SEMA6D: variants seen among roughly 807,000 people sequenced by gnomAD.
The protein encoded by SEMA6D is semaphorin-6D.
A neutral mutation model predicts 106.6 loss-of-function variants in SEMA6D; 35 were observed. That is an observed-to-expected ratio of 0.33 (90% CI 0.25 to 0.44). SEMA6D has a LOEUF of 0.44. Ranked by LOEUF, SEMA6D falls within the 20% of genes least tolerant of loss-of-function variation. SEMA6D has a pLI of 1.00. For missense variants in SEMA6D, 1,185 were observed against 1,345.9 expected, an observed-to-expected ratio of 0.88 and a Z score of 1.87; for synonymous variants, 499 against 487.7, an observed-to-expected ratio of 1.02 and a Z score of -0.31.
intron 1 of SEMA6D, among the ~76,000 whole-genome samples, chr15:47,216,168 A>C (rs1243021682): frequency 6.6e-6 from 1 of 152,148 alleles, no homozygotes; most frequent in Non-Finnish European, 1.5e-5. Context: ...GAAGATTTTC[A>C]TGTTAAATCT....
Position 47,356,860 on chromosome 15 carries a change from T to A in SEMA6D, c.-238-55533T>A, listed in dbSNP as rs144098205. 4.0e-3 allele frequency among the ~76,000 whole-genome samples: 604 copies of A among 152,266 alleles called. 4 individuals carry two copies. The highest frequency in any genetic ancestry group is 0.031 in the Middle Eastern group (9 of 294). On this transcript the variant is annotated intron_variant, in intron 1 of 19. Transcript: ENST00000558014. ...CCAACTCCTTGAACTCTCTGCCCAA[T>A]ACACATGTATAAAACAGACCCAAAC...
intron 2 of SEMA6D, among the ~76,000 whole-genome samples, chr15:47,435,077 A>T (rs1184169742): frequency 6.6e-6 from 1 of 152,198 alleles, no homozygotes; most frequent in East Asian, 1.9e-4. Context: ...TGTTGGAAAC[A>T]TCACATTGGA....
At chr15:47,585,635 G>A (rs1018509343) in intron 3 of SEMA6D, among the ~76,000 whole-genome samples, 8 of 152,152 alleles carry the variant, frequency 5.3e-5, no homozygotes, top group African/African-American at 1.9e-4. Context: ...CAGAAATTAG[G>A]AGAGTACTAA....
At chr15:47,765,236 AG>A in intron 13 of SEMA6D, 180 bp downstream of exon 13, 2 of 1,391,466 alleles carry the variant, frequency 1.4e-6, no homozygotes. Flanking sequence ...TGCTAGGGCG[AG>A]GGGGGTGAAT....
At position 47,765,997 on chromosome 15, in the gene SEMA6D, G is replaced by C; in HGVS notation, c.1556G>C (p.Gly519Ala). ...CCCCTCAGTCGCTGTGAGCGTTATG[G>C]ATCATGTAAAAAGTAAGCTCGTGTT... ...RIPLSRCERY[G>A]SCKKSCIASR... is the part of the protein sequence containing the mutation. The change falls in exon 14 of 19, where the codon GGA (glycine) becomes GCA (alanine). Residue 519 changes from glycine to alanine, a missense_variant. Transcript: ENST00000536845. The C allele has an allele frequency of 6.2e-7, 1 of 1,601,566 alleles. No homozygotes were observed. Among genetic ancestry groups the C allele is most frequent in the Non-Finnish European group, 8.5e-7 (1 of 1,173,032 alleles).
intron 3 of SEMA6D, among the ~76,000 whole-genome samples, chr15:47,551,185 A>C (rs961684097): frequency 9.9e-5 from 15 of 152,048 alleles, no homozygotes; most frequent in African/African-American, 3.6e-4. Flanking sequence ...GCTGGCTCTG[A>C]TCCATTCTCT....
intron 3 of SEMA6D, among the ~76,000 whole-genome samples, chr15:47,535,165 A>G (rs144217657): frequency 0.013 from 1,928 of 152,188 alleles, 20 homozygotes; most frequent in Non-Finnish European, 0.021. Flanking sequence ...TCAGAAAATT[A>G]GCAACAGAGT....
chr15:47,292,715 G>A (rs1342657099), intron 1 of SEMA6D, among the ~76,000 whole-genome samples: 5 of 152,184 alleles, frequency 3.3e-5, no homozygotes, highest in African/African-American at 1.2e-4. Flanking sequence ...GCAAATCACA[G>A]CGTATATTGT....
chr15:47,216,322 C>A (rs1267295436), intron 1 of SEMA6D, among the ~76,000 whole-genome samples: 1 of 151,884 alleles, frequency 6.6e-6, no homozygotes, highest in Non-Finnish European at 1.5e-5. Context: ...TCTATGTTAA[C>A]TCAAATTAAA....
At chr15:47,263,709 T>G (rs897205098) in intron 1 of SEMA6D, among the ~76,000 whole-genome samples, 1 of 151,834 alleles carries the variant, frequency 6.6e-6, no homozygotes, top group Non-Finnish European at 1.5e-5. Flanking sequence ...GGTCTCCAGC[T>G]CCATCCATGT....
intron 1 of SEMA6D, among the ~76,000 whole-genome samples, chr15:47,371,760 T>C (rs1008457425): frequency 4.6e-5 from 7 of 152,204 alleles, no homozygotes; most frequent in African/African-American, 1.4e-4. Context: ...TAGGTCACTT[T>C]TTCTGCTTCT....
At chr15:47,245,721 A>G (rs1296816854) in intron 1 of SEMA6D, among the ~76,000 whole-genome samples, 2 of 152,204 alleles carry the variant, frequency 1.3e-5, no homozygotes, top group African/African-American at 2.4e-5. Flanking sequence ...GATCTTTGTG[A>G]TGCTTATTCT....
At position 47,765,299 on chromosome 15, in the gene SEMA6D, G is replaced by A. The variant is rs928907269; in HGVS notation, c.1427+243G>A. 6 of 1,280,188 alleles carry A rather than the reference G, an allele frequency of 4.7e-6. No individual in the cohort carries two copies. In the East Asian group the frequency reaches 1.8e-4, roughly 38 times the overall value. The allele number at this position is 1,280,188 out of a possible 1,614,324, so 79.3% of individuals were successfully genotyped here. Reference sequence around the variant, plus strand: ...CCCTTGTTTTTCACCTGTAGAATATGAGAACATTTTAACAGCACCTCTCTT... The same window carrying A: ...CCCTTGTTTTTCACCTGTAGAATATAAGAACATTTTAACAGCACCTCTCTT... On this transcript the variant is annotated intron_variant, in intron 13 of 18. Coordinates refer to ENST00000536845, the MANE Select transcript of SEMA6D (RefSeq NM_001358351.3).
intron 3 of SEMA6D, among the ~76,000 whole-genome samples, chr15:47,565,077 TG>T (rs1287908924): frequency 1.1e-4 from 16 of 152,228 alleles, no homozygotes; most frequent in African/African-American, 3.9e-4. Flanking sequence ...TCATTTTTCC[TG>T]GATGCCGGAC....
At chr15:47,362,055 T>C (rs1459962639) in intron 1 of SEMA6D, among the ~76,000 whole-genome samples, 1 of 152,248 alleles carries the variant, frequency 6.6e-6, no homozygotes, top group Non-Finnish European at 1.5e-5. Context: ...CATTGATTTC[T>C]GTGGTCACCT....
chr15:47,753,576 A>G (rs1203919365), intron 1 of SEMA6D, among the ~76,000 whole-genome samples: 1 of 152,352 alleles, frequency 6.6e-6, no homozygotes, highest in East Asian at 1.9e-4. Flanking sequence ...AAAGTAGAGC[A>G]GTATGAGCAA....
chr15:47,674,736 G>A (rs1238558275), intron 4 of SEMA6D, among the ~76,000 whole-genome samples: 1 of 152,188 alleles, frequency 6.6e-6, no homozygotes, highest in Non-Finnish European at 1.5e-5. Context: ...GAGGAGGATG[G>A]CGCTTTTGTA....
intron 1 of SEMA6D, among the ~76,000 whole-genome samples, chr15:47,260,131 T>A (rs756921072): frequency 2.7e-4 from 41 of 152,152 alleles, no homozygotes; most frequent in Non-Finnish European, 5.3e-4. Context: ...ATTGATTTTT[T>A]AAAAATATTA....
intron 3 of SEMA6D, among the ~76,000 whole-genome samples, chr15:47,599,212 GCCAA>G (rs1421430797): frequency 1.3e-5 from 2 of 152,052 alleles, no homozygotes; most frequent in Admixed American, 1.3e-4. Context: ...TGGGAGTATG[GCCAA>G]ATAAATAGAA....
Sources: allele counts gnomAD v4.1 joint callset (sites outside exome capture counted in the v4.1 genomes callset), GRCh38; gene constraint gnomAD v4.1.1; transcripts MANE v1.5; gene names NCBI Gene and HGNC (gene_info 2026-07-23, HGNC 2026-07-21).